Variants in PACRG observed in about 807,000 individuals in gnomAD.
PACRG encodes the protein parkin coregulated gene protein.
Under a neutral mutation model 29.7 loss-of-function variants are expected in PACRG, and 29 were observed. The observed-to-expected ratio is 0.98, with a 90% CI of 0.73 to 1.33. The LOEUF (loss-of-function observed/expected upper bound fraction) is 1.33. Ranked by LOEUF, PACRG falls within the 40% of genes most tolerant of loss-of-function variation. The pLI is 0.00. For synonymous variants in PACRG, 116 were observed against 118.7 expected (o/e 0.98, Z 0.15); for missense variants, 279 against 316.2 (o/e 0.88, Z 0.89).
chr6:163,043,653 A>G (rs1808992331), intron 2 of PACRG, among the ~76,000 whole-genome samples: 1 of 152,248 alleles, frequency 6.6e-6, no homozygotes, highest in Non-Finnish European at 1.5e-5. Context: ...TGAAAATGAC[A>G]GGAGAAGGAA....
chr6:162,989,722 C>CTTTTTTTTTT (rs66497763), intron 2 of PACRG, among the ~76,000 whole-genome samples: 4 of 142,064 alleles, frequency 2.8e-5, no homozygotes, highest in East Asian at 2.1e-4. Context: ...TCAGTACTTC[C>CTTTTTTTTTT]TTTTTTTTTT....
Position 162,777,330 on chromosome 6 carries a change from C to T in PACRG, c.157-36817C>T, listed in dbSNP as rs7744433. ...TGTGGCACCTTCGCAGACTGAGTGG[C>T]TTGGCATTTGGCTGATGTAGGCCAT... On this transcript the variant is annotated intron_variant, in intron 1 of 4. Transcript: ENST00000366888. This position sits in a 1 kb window ranked among gnomAD's most constrained non-coding sequence, Gnocchi z 4.0. 0.22 allele frequency among the ~76,000 whole-genome samples: 33,094 copies of T among 152,184 alleles called. 4,323 individuals are homozygous for T. The highest frequency in any genetic ancestry group is 0.33 in the Admixed American group (5,086 of 15,284).
chr6:163,107,209 T>C (rs1815432432), intron 4 of PACRG, among the ~76,000 whole-genome samples: 1 of 152,160 alleles, frequency 6.6e-6, no homozygotes, highest in Non-Finnish European at 1.5e-5. Context: ...TTTCATATTT[T>C]TTAAAATCTA....
In PACRG at chr6:162,766,956, G is replaced by A. The variant is rs148684085; in HGVS notation, c.156+38565G>A. 2.0e-4 allele frequency among the ~76,000 whole-genome samples: 31 copies of A among 151,442 alleles called. 1 individual carries two copies. The East Asian group carries it at 3.7e-3, about 18-fold the overall frequency. ...GTGAAATTTTTAAATTTGCATTTTC[G>A]TTTATTCTTTGGCCCGTGTGTTATT... On this transcript the variant is annotated intron_variant, in intron 1 of 4. Transcript: ENST00000366888.
At chr6:163,164,742 G>A (rs1006186870) in intron 4 of PACRG, among the ~76,000 whole-genome samples, 2 of 152,162 alleles carry the variant, frequency 1.3e-5, no homozygotes, top group African/African-American at 4.8e-5. Flanking sequence ...TCCAAACATT[G>A]TGAACTAGAT....
chr6:162,911,767 T>A (rs774969939), intron 2 of PACRG, among the ~76,000 whole-genome samples: 7 of 152,092 alleles, frequency 4.6e-5, no homozygotes, highest in Non-Finnish European at 8.8e-5. Flanking sequence ...AGGGAGAGGG[T>A]AAACCAAGTG....
At chr6:162,808,135 A>G (rs781503052) in intron 1 of PACRG, among the ~76,000 whole-genome samples, 1 of 152,198 alleles carries the variant, frequency 6.6e-6, no homozygotes, top group African/African-American at 2.4e-5. Flanking sequence ...AAGCAATTAC[A>G]GTTGGCAAAT....
chr6:162,792,616 G>A (rs191986761), intron 1 of PACRG, among the ~76,000 whole-genome samples: 11 of 152,156 alleles, frequency 7.2e-5, no homozygotes, highest in South Asian at 2.1e-4. Context: ...CAGACACTTC[G>A]TCTCTAGTCC....
At chr6:163,237,876 AT>A (rs1192927016) in intron 4 of PACRG, among the ~76,000 whole-genome samples, 1 of 152,182 alleles carries the variant, frequency 6.6e-6, no homozygotes, top group Non-Finnish European at 1.5e-5. Flanking sequence ...ACCAGTTCCC[AT>A]TGTCCTGTTT....
At chr6:163,125,662 A>T (rs1816485910) in intron 4 of PACRG, among the ~76,000 whole-genome samples, 1 of 152,266 alleles carries the variant, frequency 6.6e-6, no homozygotes, top group Non-Finnish European at 1.5e-5. Context: ...GCTATGAAAT[A>T]TAACCTCCAG....
At chr6:162,829,774 C>T (rs776063123) in intron 2 of PACRG, among the ~76,000 whole-genome samples, 44 of 152,088 alleles carry the variant, frequency 2.9e-4, no homozygotes. Context: ...GTCTTATGAC[C>T]GGCTTTAGGA....
At chr6:163,059,218 C>T (rs903017490) in intron 2 of PACRG, among the ~76,000 whole-genome samples, 12 of 152,300 alleles carry the variant, frequency 7.9e-5, no homozygotes, top group South Asian at 4.1e-4. Context: ...CTCTCTCACT[C>T]GCTCAATCTT....
intron 2 of PACRG, among the ~76,000 whole-genome samples, chr6:162,933,153 C>T (rs1252866518): frequency 1.3e-5 from 2 of 151,998 alleles, no homozygotes; most frequent in African/African-American, 2.4e-5. Flanking sequence ...GTTTACTCTC[C>T]GTACATTTGT....
rs749211635 is a variant in PACRG at position 163,089,273 on chromosome 6, C to T, written c.478C>T (p.Arg160Ter). The T allele has an allele frequency of 1.1e-5, 18 of 1,613,748 alleles. No individual in the cohort carries two copies. The highest frequency in any genetic ancestry group is 5.5e-5 in the South Asian group (5 of 91,004). The change falls in exon 4 of 5, where the codon CGA (arginine) becomes TGA (stop). Residue 160 changes from arginine to a stop codon, truncating the protein, a stop_gained. Coordinates refer to ENST00000366888, the MANE Select transcript of PACRG (RefSeq NM_001080379.2). LOFTEE classifies it high-confidence loss of function. ...IIPIKNALNL[R>*]NRQVICVTLK... The stretch of plus-strand genomic sequence containing the variant: ...TTACCATATAGATGCCTTGAACCTC[C>T]GAAACCGACAGGTCATCTGTGTCAC...
intron 2 of PACRG, among the ~76,000 whole-genome samples, chr6:162,874,736 A>G (rs1249761326): frequency 6.6e-6 from 1 of 152,140 alleles, no homozygotes; most frequent in East Asian, 1.9e-4. Context: ...ATGCATAGAC[A>G]CACATGCATT....
intron 2 of PACRG, among the ~76,000 whole-genome samples, chr6:162,983,771 A>G (rs1349119759): frequency 6.6e-6 from 1 of 152,002 alleles, no homozygotes; most frequent in Admixed American, 6.6e-5. Flanking sequence ...AGGTAACCTG[A>G]TGACTGTGTA....
intron 2 of PACRG, among the ~76,000 whole-genome samples, chr6:162,980,191 C>T (rs1802291831): frequency 1.3e-5 from 2 of 149,456 alleles, no homozygotes; most frequent in East Asian, 2.0e-4. Flanking sequence ...CACACACACG[C>T]ACACACACAC....
intron 2 of PACRG, among the ~76,000 whole-genome samples, chr6:162,979,442 T>G (rs767692367): frequency 7.2e-4 from 109 of 152,302 alleles, no homozygotes; most frequent in Non-Finnish European, 1.5e-3. Context: ...GATGCATCAT[T>G]TGTACATATT....
At chr6:163,236,048 G>GA (rs1294859121) in intron 4 of PACRG, among the ~76,000 whole-genome samples, 2 of 152,026 alleles carry the variant, frequency 1.3e-5, no homozygotes, top group African/African-American at 4.8e-5. Context: ...TTATTTATCT[G>GA]AAAAAATCTG....
Sources: gnomAD v4.1 joint callset for allele counts (sites outside exome capture counted in the v4.1 genomes callset) on GRCh38, gnomAD v4.1.1 for gene constraint, Gnocchi (gnomAD v3.1) non-coding constraint, MANE v1.5 for transcripts, NCBI Gene and HGNC (gene_info 2026-07-23, HGNC 2026-07-21) for gene names.